Variants in MAGI2 observed in about 807,000 individuals in gnomAD.
MAGI2 encodes the protein membrane associated guanylate kinase, WW and PDZ domain containing 2.
A neutral mutation model predicts 133.3 loss-of-function variants in MAGI2; 35 were observed. That is an observed-to-expected ratio of 0.26 (90% CI 0.20 to 0.35). MAGI2 has a LOEUF of 0.35. Ranked by LOEUF, MAGI2 falls within the 10% of genes least tolerant of loss-of-function variation. The probability of loss-of-function intolerance (pLI) is 1.00; values close to 1 mark genes in which losing one functional copy is unlikely to be tolerated. For synonymous variants in MAGI2, 729 were observed against 710.6 expected, an observed-to-expected ratio of 1.03 and a Z score of -0.41; for missense variants, 1,636 against 1,863.4, an observed-to-expected ratio of 0.88 and a Z score of 2.25.
intron 1 of MAGI2, among the ~76,000 whole-genome samples, chr7:79,155,465 T>A (rs1297256390): frequency 6.6e-6 from 1 of 151,964 alleles, no homozygotes; most frequent in Non-Finnish European, 1.5e-5. Context: ...AAATATATAA[T>A]TACACATTGA....
At chr7:79,309,361 C>T (rs1838069970) in intron 1 of MAGI2, among the ~76,000 whole-genome samples, 2 of 150,606 alleles carry the variant, frequency 1.3e-5, no homozygotes, top group South Asian at 4.2e-4. Flanking sequence ...GCTACACTTT[C>T]CTTAAATTTC....
chr7:78,822,656 A>G (rs1328972643), intron 2 of MAGI2, among the ~76,000 whole-genome samples: 1 of 152,198 alleles, frequency 6.6e-6, no homozygotes, highest in Non-Finnish European at 1.5e-5. Flanking sequence ...TACAATGACA[A>G]TATAAGGGTA....
intron 2 of MAGI2, among the ~76,000 whole-genome samples, chr7:78,654,233 G>C (rs764742195): frequency 9.9e-5 from 15 of 152,254 alleles, no homozygotes; most frequent in South Asian, 2.1e-4. Context: ...TTCTTACTCT[G>C]TGTTTCAGTT....
chr7:78,696,262 A>T (rs1268915176), intron 2 of MAGI2, among the ~76,000 whole-genome samples: 1 of 152,124 alleles, frequency 6.6e-6, no homozygotes, highest in Non-Finnish European at 1.5e-5. Flanking sequence ...ATATGACATA[A>T]TCACTCAATT....
At chr7:78,957,521 G>T (rs1802489463) in intron 2 of MAGI2, among the ~76,000 whole-genome samples, 1 of 151,984 alleles carries the variant, frequency 6.6e-6, no homozygotes, top group Non-Finnish European at 1.5e-5. Context: ...TTTACTATAT[G>T]TATATGTAAG....
intron 1 of MAGI2, among the ~76,000 whole-genome samples, chr7:79,155,578 G>A (rs1185419211): frequency 3.3e-5 from 5 of 152,094 alleles, no homozygotes; most frequent in African/African-American, 1.2e-4. Flanking sequence ...ATCCAGAGAA[G>A]GATATTTTCC....
At chr7:79,399,537 T>C (rs970491) in intron 1 of MAGI2, among the ~76,000 whole-genome samples, 36,873 of 151,964 alleles carry the variant, frequency 0.24, 5,836 homozygotes, top group African/African-American at 0.43. Flanking sequence ...CATTATATTA[T>C]AGGAAATGCA....
intron 1 of MAGI2, chr7:79,125,719 C>T (rs10272193): frequency 0.01 from 5,366 of 525,856 alleles, 242 homozygotes; most frequent in African/African-American, 0.092. Context: ...AGCTCTGGCC[C>T]CTATGATGGC....
intron 1 of MAGI2, among the ~76,000 whole-genome samples, chr7:79,255,332 T>C (rs1187284763): frequency 1.3e-5 from 2 of 152,154 alleles, no homozygotes; most frequent in South Asian, 2.1e-4. Context: ...ATGATTACCA[T>C]GGGAGTTGTC....
intron 10 of MAGI2, among the ~76,000 whole-genome samples, chr7:78,247,525 A>C (rs1029640724): frequency 2.0e-5 from 3 of 152,248 alleles, no homozygotes; most frequent in African/African-American, 7.2e-5. Flanking sequence ...ATACAAGAGA[A>C]TACAGATAGA....
intron 6 of MAGI2, among the ~76,000 whole-genome samples, chr7:78,423,713 G>A (rs1799012571): frequency 6.6e-6 from 1 of 152,154 alleles, no homozygotes; most frequent in African/African-American, 2.4e-5. Context: ...TTGGGAACTG[G>A]AGAGTAAAGA....
At chr7:78,495,071 C>A (rs1437635203) in intron 5 of MAGI2, among the ~76,000 whole-genome samples, 1 of 152,150 alleles carries the variant, frequency 6.6e-6, no homozygotes, top group Non-Finnish European at 1.5e-5. Flanking sequence ...GATATAAGTT[C>A]AGAGACAGTA....
intron 2 of MAGI2, among the ~76,000 whole-genome samples, chr7:78,672,273 C>T (rs570665491): frequency 2.0e-5 from 3 of 152,186 alleles, no homozygotes; most frequent in South Asian, 2.1e-4. Context: ...GACCTCCCCC[C>T]TCTCTCTCTT....
chr7:78,992,899 ATATAT>A (rs1337568503), intron 2 of MAGI2, among the ~76,000 whole-genome samples: 4 of 152,062 alleles, frequency 2.6e-5, no homozygotes, highest in African/African-American at 9.7e-5. Flanking sequence ...GCTTCAAATA[ATATAT>A]TCAACTTCTC....
chr7:79,383,846 A>T (rs1431536849), intron 1 of MAGI2, among the ~76,000 whole-genome samples: 1 of 151,542 alleles, frequency 6.6e-6, no homozygotes, highest in African/African-American at 2.4e-5. Flanking sequence ...CCGAAAGTTG[A>T]CATAATTTCA....
At chr7:78,594,330 T>G (rs1199148307) in intron 3 of MAGI2, among the ~76,000 whole-genome samples, 3 of 152,216 alleles carry the variant, frequency 2.0e-5, no homozygotes. Context: ...GACTGAGTGA[T>G]TAACTATTAA....
At chr7:78,113,816 TAGA>T (rs1311961353) in intron 20 of MAGI2, among the ~76,000 whole-genome samples, 13 of 151,946 alleles carry the variant, frequency 8.6e-5, no homozygotes, top group Non-Finnish European at 1.6e-4. Flanking sequence ...AACAAGAGAG[TAGA>T]AGAATAGAAG....
chr7:79,353,322 G>A, intron 1 of MAGI2: 1 of 390,382 alleles, frequency 2.6e-6, no homozygotes, highest in Non-Finnish European at 5.1e-6. Flanking sequence ...AATGAGAGGA[G>A]CTGACACTGT....
At chr7:79,054,721 A>G (rs551273370) in intron 1 of MAGI2, among the ~76,000 whole-genome samples, 119 of 152,112 alleles carry the variant, frequency 7.8e-4, no homozygotes, top group Middle Eastern at 3.4e-3. Context: ...TTTACTCCCT[A>G]TGGTTTTTGT....
Sources: allele counts gnomAD v4.1 joint callset (sites outside exome capture counted in the v4.1 genomes callset), GRCh38; gene constraint gnomAD v4.1.1; transcripts MANE v1.5; gene names NCBI Gene and HGNC (gene_info 2026-07-23, HGNC 2026-07-21).